The following GRID2IP variants were observed in gnomAD, a reference collection of about 807,000 sequenced individuals.
GRID2IP encodes Grid2 interacting protein, also known as delphilin.
In GRID2IP, 78 loss-of-function variants were observed where a neutral mutation model predicts 114.3. That is an observed-to-expected ratio of 0.68 (90% CI 0.57 to 0.82). The LOEUF is 0.82. Ranked by LOEUF, GRID2IP falls within the 40% of genes least tolerant of loss-of-function variation. GRID2IP has a pLI of 0.00. For synonymous variants in GRID2IP, 809 were observed against 724.0 expected (o/e 1.12, Z -1.89); for missense variants, 1,727 against 1,678.5 (o/e 1.03, Z -0.51).
Position 6,551,324 on chromosome 7 carries a change from G to A in GRID2IP, c.113C>T (p.Ala38Val), listed in dbSNP as rs1371791660. Reference protein sequence around the residue: ...FVLEVAKGSSAHAGGLRPGDQ... With the variant: ...FVLEVAKGSSVHAGGLRPGDQ... ...TCCTGGCCGCAGTCCTCCGGCATGC[G>A]CGCTGCTCCCCTTGGCCACCTCCAG... The change falls in exon 1 of 22, where the codon GCG becomes GTG. Residue 38 changes from alanine (A) to valine (V), a missense_variant. Coordinates refer to ENST00000457091, the MANE Select transcript of GRID2IP (RefSeq NM_001145118.2). 8.4e-6 allele frequency: 13 copies of A among 1,546,656 alleles called. No individual in the cohort carries two copies. Among genetic ancestry groups the A allele is most frequent in the Admixed American group, 2.0e-5 (1 of 50,966 alleles).
rs1165457870 is a variant in GRID2IP at position 6,519,125 on chromosome 7, C to T, written c.1268+1453G>A. Among the ~76,000 whole-genome samples the T allele has an allele frequency of 6.6e-6, 1 of 152,022 alleles. No homozygotes were observed. The highest frequency in any genetic ancestry group is 2.4e-5 in the African/African-American group (1 of 41,408). On this transcript the variant is annotated intron_variant, in intron 7 of 21. Coordinates refer to ENST00000457091, the MANE Select transcript of GRID2IP (RefSeq NM_001145118.2). This position sits in a 1 kb window ranked among gnomAD's most constrained non-coding sequence, Gnocchi z 4.1. ...AGAGATGGCTTCTTGCTCTGTTGCC[C>T]AGACTGGTTTTGAACTCCTGGGCTC...
chr7:6,545,139 G>A (rs1242317450), intron 1 of GRID2IP, among the ~76,000 whole-genome samples: 1 of 151,886 alleles, frequency 6.6e-6, no homozygotes, highest in Non-Finnish European at 1.5e-5. Flanking sequence ...AGATATGGTG[G>A]TGCACGCTTG....
intron 2 of GRID2IP, chr7:6,531,105 G>T: frequency 1.8e-6 from 1 of 545,998 alleles, no homozygotes; most frequent in South Asian, 2.2e-5. Context: ...TTCCCCATCT[G>T]GAGCCGGGGA....
chr7:6,535,282 G>A (rs1258568866), intron 2 of GRID2IP, among the ~76,000 whole-genome samples: 1 of 152,160 alleles, frequency 6.6e-6, no homozygotes, highest in African/African-American at 2.4e-5. Context: ...CACCCGCCTC[G>A]GCCTCCTAAA....
At chr7:6,498,303 G>A in intron 20 of GRID2IP, 75 bp from the exon 21 acceptor site, 3 of 1,376,980 alleles carry the variant, frequency 2.2e-6, no homozygotes, top group South Asian at 1.4e-5. Context: ...CGACAGACAG[G>A]TCCCTAGCAG....
In GRID2IP at chr7:6,504,796, T is replaced by G. The variant is rs1197790436; in HGVS notation, c.2707A>C (p.Thr903Pro). The change falls in exon 15 of 22, where the codon ACC (threonine) becomes CCC (proline). Residue 903 changes from threonine to proline, a missense_variant. Physicochemically the swap from Thr to Pro is conservative, Grantham distance 38 (BLOSUM62 -1). Coordinates refer to ENST00000457091, the MANE Select transcript of GRID2IP (RefSeq NM_001145118.2). ...CTGGGGTTCCCCGGACCCTCACAGG[T>G]GTTGTAGGCCTTCTTATGGGACAGG... ...EILSHKKAYN[T>P]SILLAHLKLS... The G allele has an allele frequency of 6.5e-7, 1 of 1,550,184 alleles. No individual in the cohort carries two copies. Among genetic ancestry groups the G allele is most frequent in the Non-Finnish European group, 8.7e-7 (1 of 1,146,032 alleles).
intron 1 of GRID2IP, 23 bp from the exon 2 acceptor site, chr7:6,539,895 T>G (rs972637631): frequency 6.5e-7 from 1 of 1,545,844 alleles, no homozygotes; most frequent in East Asian, 2.4e-5. Context: ...GTCCTGTGAA[T>G]GACCAAAAGG....
In GRID2IP at chr7:6,551,107, G is replaced by A; in HGVS notation, c.330C>T (p.Gly110=). 1 of 1,300,480 alleles carries A rather than the reference G, an allele frequency of 7.7e-7. No individual in the cohort carries two copies. Among genetic ancestry groups the A allele is most frequent in the Non-Finnish European group, 9.7e-7 (1 of 1,028,622 alleles). 80.6% of individuals were successfully genotyped at this position (1,300,480 alleles called of 1,614,324 possible). The change falls in exon 1 of 22, where the codon GGC becomes GGT. Residue 110 remains glycine (G), a synonymous_variant. Coordinates refer to ENST00000457091, the MANE Select transcript of GRID2IP (RefSeq NM_001145118.2). The part of the protein sequence containing the change: ...TVLRAPRCGR[G]LALGRELLRL... ...GAAGCAGCTCACGGCCCAGAGCTAG[G>A]CCGCGGCCGCACCGCGGGGCCCGCA...
rs1175571924 is a variant in GRID2IP, at chr7:6,503,607, G to A, written c.2791C>T (p.Pro931Ser). ...LMSMEPRRLE[P>S]AHLAQLLLFA... ...AGCAGCAGCTGCGCGAGATGTGCGG[G>A]CTCCAGGCGCCGGGGCTCCATGCTC... Residue 931 changes from proline to serine, a missense_variant, in exon 16 of 22, where the codon CCC becomes TCC. Transcript: ENST00000457091. 6.5e-7 allele frequency: 1 copy of A among 1,529,240 alleles called. No individual in the cohort carries two copies. Among genetic ancestry groups the A allele is most frequent in the South Asian group, 1.2e-5 (1 of 83,476 alleles). 94.7% of individuals were successfully genotyped at this position (1,529,240 alleles called of 1,614,324 possible).
At chr7:6,515,673 G>T (rs764842589) in intron 7 of GRID2IP, among the ~76,000 whole-genome samples, 1 of 151,730 alleles carries the variant, frequency 6.6e-6, no homozygotes. Context: ...AGCTACTCAG[G>T]AGGCTGAGGC....
chr7:6,538,456 CTT>C (rs771094715), intron 2 of GRID2IP, among the ~76,000 whole-genome samples: 16 of 150,362 alleles, frequency 1.1e-4, no homozygotes, highest in Non-Finnish European at 1.9e-4. Flanking sequence ...AATCCACACA[CTT>C]TGGGAAGCTG....
In GRID2IP at chr7:6,498,136, AAAG is replaced by A. The variant is rs1413791759; in HGVS notation, c.3489_3491del (p.Phe1164del). ...AGGTGGTGGCCTTGGAATCCTCCCC[AAAG>A]AAGGCCAGCGCCTTGCCCAGCTCCT... On this transcript the variant is annotated inframe_deletion, in exon 21 of 22. Coordinates refer to ENST00000457091, the MANE Select transcript of GRID2IP (RefSeq NM_001145118.2). 4.5e-6 allele frequency: 7 copies of A among 1,551,638 alleles called. No homozygotes were observed. The highest frequency in any genetic ancestry group is 6.1e-6 in the Non-Finnish European group (7 of 1,146,950).
At chr7:6,518,909 GT>G (rs11478136) in intron 7 of GRID2IP, among the ~76,000 whole-genome samples, 134,247 of 151,624 alleles carry the variant, frequency 0.89, 60,003 homozygotes, top group African/African-American at 0.95. Context: ...ATCAAGCACA[GT>G]TTTTTTTTGT....
chr7:6,539,937 C>T, intron 1 of GRID2IP, 65 bp from the exon 2 acceptor site: 1 of 1,434,340 alleles, frequency 7.0e-7, no homozygotes, highest in Non-Finnish European at 9.5e-7. Flanking sequence ...GAACTGCTCT[C>T]CTCCTTCCTT....
intron 8 of GRID2IP, among the ~76,000 whole-genome samples, chr7:6,513,604 A>C (rs1469430498): frequency 6.6e-6 from 1 of 152,066 alleles, no homozygotes; most frequent in Non-Finnish European, 1.5e-5. Context: ...GGGTGCAAAA[A>C]CTGAGACTGC....
In GRID2IP at chr7:6,509,524, C is replaced by T. The variant is rs912575245; in HGVS notation, c.1772-211G>A. 6.6e-6 allele frequency among the ~76,000 whole-genome samples: 1 copy of T among 152,190 alleles called. No individual in the cohort carries two copies. The highest frequency in any genetic ancestry group is 1.5e-5 in the Non-Finnish European group (1 of 68,026). Reference sequence around the variant, plus strand: ...GGTGAGCAGGAGCACTGCTCGGCCTCAGGACAGGCTGGACGCCAGCTCACC... The same window carrying T: ...GGTGAGCAGGAGCACTGCTCGGCCTTAGGACAGGCTGGACGCCAGCTCACC... On this transcript the variant is annotated intron_variant, in intron 11 of 21. Transcript: ENST00000457091. This position sits in a 1 kb window ranked among gnomAD's most constrained non-coding sequence, Gnocchi z 4.9.
In GRID2IP at chr7:6,526,316, GA is replaced by G. The variant is rs1193918348; in HGVS notation, c.834-8del. 63 of 1,551,346 alleles carry G rather than the reference GA, an allele frequency of 4.1e-5. No individual in the cohort carries two copies. In the East Asian group the frequency reaches 1.4e-3, roughly 35 times the overall value. ...TTTGTAGACTCGGACAGTCCTGGGGGAAAAAGAAGGGGCGAGCAGCATGATG... is the reference window on the plus strand; with the variant it reads ...TTTGTAGACTCGGACAGTCCTGGGGGAAAAGAAGGGGCGAGCAGCATGATG... On this transcript the variant is annotated splice_region_variant and splice_polypyrimidine_tract_variant and intron_variant, in intron 3 of 21. Coordinates refer to ENST00000457091, the MANE Select transcript of GRID2IP (RefSeq NM_001145118.2). The surrounding 1 kb of genome is among the most constrained non-coding windows in gnomAD (Gnocchi z 7.6).
At chr7:6,510,859 G>A in intron 9 of GRID2IP, 49 bp downstream of exon 9, 1 of 1,532,940 alleles carries the variant, frequency 6.5e-7, no homozygotes, top group Non-Finnish European at 8.8e-7. Flanking sequence ...CATTTTGCAG[G>A]TGGGAAAACT....
chr7:6,541,629 T>C (rs1002562052), intron 1 of GRID2IP, among the ~76,000 whole-genome samples: 2 of 152,106 alleles, frequency 1.3e-5, no homozygotes, highest in Admixed American at 6.6e-5. Flanking sequence ...GAAAGGAGCA[T>C]GCAAATAGAC....
Sources: allele counts gnomAD v4.1 joint callset (sites outside exome capture counted in the v4.1 genomes callset), GRCh38; gene constraint gnomAD v4.1.1; non-coding constraint Gnocchi (gnomAD v3.1); transcripts MANE v1.5; gene names NCBI Gene and HGNC (gene_info 2026-07-23, HGNC 2026-07-21).